Variants in SPTBN4 observed in about 807,000 individuals in gnomAD.
SPTBN4 encodes the protein spectrin beta, non-erythrocytic 4.
In SPTBN4, 96 loss-of-function variants were observed where a neutral mutation model predicts 277.8. The observed-to-expected ratio is 0.35, with a 90% CI of 0.29 to 0.41. SPTBN4 has a LOEUF of 0.41. Ranked by LOEUF, SPTBN4 falls within the 10% of genes least tolerant of loss-of-function variation. SPTBN4 has a pLI of 1.00. For synonymous variants in SPTBN4, 1,481 were observed against 1,580.3 expected, an observed-to-expected ratio of 0.94 and a Z score of 1.49; for missense variants, 3,006 against 3,595.7, an observed-to-expected ratio of 0.84 and a Z score of 4.19.
rs760392089 is a variant in SPTBN4 at position 40,523,483 on chromosome 19, T to C, written c.3701T>C (p.Val1234Ala). The change falls in exon 17 of 36, where the codon GTG (valine) becomes GCG (alanine). Residue 1234 changes from valine to alanine, a missense_variant. Val to Ala is a moderately conservative substitution (Grantham distance 64). Coordinates refer to ENST00000598249, the MANE Select transcript of SPTBN4 (RefSeq NM_020971.3). ...GAELPGTVES[V>A]EEALKQHRDF... ...GAGCTCCCGGGCACAGTGGAATCGG[T>C]GGAGGAGGCCTTGAAACAGCACCGT... 10 of 1,613,150 alleles carry C rather than the reference T, an allele frequency of 6.2e-6. No homozygotes were observed. The African/African-American group carries it at 1.2e-4, about 19-fold the overall frequency.
intron 17 of SPTBN4, among the ~76,000 whole-genome samples, chr19:40,525,217 A>G (rs558278167): frequency 1.3e-5 from 2 of 152,114 alleles, no homozygotes; most frequent in South Asian, 2.1e-4. Flanking sequence ...GCAAGGCAGC[A>G]TGCTTCTAAA....
chr19:40,536,477 G>A (rs748438233), intron 20 of SPTBN4, among the ~76,000 whole-genome samples: 6 of 151,972 alleles, frequency 3.9e-5, no homozygotes, highest in African/African-American at 1.4e-4. Context: ...GCCTCCCAAA[G>A]TACTAGGATT....
rs755409934 is a variant in SPTBN4, at chr19:40,568,198, GGCGGCGCGA to G, written c.6879_6887del (p.Glu2297_Arg2299del). 33 of 1,596,966 alleles carry G rather than the reference GGCGGCGCGA, an allele frequency of 2.1e-5. No homozygotes were observed. The highest frequency in any genetic ancestry group is 2.8e-5 in the Non-Finnish European group (33 of 1,172,298). ...CTGGGCCGCTATGAGCAGATGGAGC[GGCGGCGCGA>G]GCGGCGTGAGCGGCGCTTGGAGCGG... is the stretch of plus-strand genomic sequence containing the variant. On this transcript the variant is annotated inframe_deletion, in exon 31 of 36. Coordinates refer to ENST00000598249, the MANE Select transcript of SPTBN4 (RefSeq NM_020971.3).
rs1209187367 is a variant in SPTBN4, at chr19:40,549,341, G to T, written c.4512G>T (p.Leu1504Phe). The T allele has an allele frequency of 1.3e-6, 2 of 1,536,626 alleles. No homozygotes were observed. Among genetic ancestry groups the T allele is most frequent in the Non-Finnish European group, 1.7e-6 (2 of 1,145,314 alleles). ...GCCTGGTGCGCCTGCTCGAGCCGTT[G>T]CAGGAGCGCCGCCGCTTGCTGCTGG... ...GERLVRLLEP[L>F]QERRRLLLAS... is the part of the protein sequence containing the mutation. Residue 1504 changes from leucine to phenylalanine, a missense_variant, in exon 21 of 36, where the codon TTG becomes TTT. Leu to Phe is a conservative substitution (Grantham distance 22). Coordinates refer to ENST00000598249, the MANE Select transcript of SPTBN4 (RefSeq NM_020971.3).
rs1236576627 is a variant in SPTBN4 at position 40,515,870 on chromosome 19, GCGCACA to G, written c.2903+424_2903+429del. 7.3e-5 allele frequency among the ~76,000 whole-genome samples: 9 copies of G among 124,040 alleles called. 1 individual carries two copies. The highest frequency in any genetic ancestry group is 1.5e-4 in the Non-Finnish European group (9 of 60,886). The allele number at this position is 124,040 out of a possible 152,430, so 81.4% of individuals were successfully genotyped here. A position where few individuals can be genotyped will look rare whatever the true frequency, so the allele number is the denominator to read the frequency against. ...AAACCCCGTCTCTCTCTCTACGTGC[GCGCACA>G]CACACACACACACACACACACACAA... On this transcript the variant is annotated intron_variant, in intron 15 of 35. Coordinates refer to ENST00000598249, the MANE Select transcript of SPTBN4 (RefSeq NM_020971.3). The surrounding 1 kb of genome is among the most constrained non-coding windows in gnomAD (Gnocchi z 4.1).
At chr19:40,568,358 G>T (rs1222846166) in intron 31 of SPTBN4, 76 bp downstream of exon 31, 11 of 1,466,126 alleles carry the variant, frequency 7.5e-6, no homozygotes, top group Non-Finnish European at 9.9e-6. Context: ...CAGGCCCAGT[G>T]AAAGGGCTTC....
chr19:40,468,923 AC>A (rs994321172), intron 1 of SPTBN4, among the ~76,000 whole-genome samples: 1 of 151,868 alleles, frequency 6.6e-6, no homozygotes, highest in Admixed American at 6.6e-5. Flanking sequence ...ACATAGTGAG[AC>A]CCCCTCTCTA....
intron 18 of SPTBN4, among the ~76,000 whole-genome samples, chr19:40,530,251 C>T (rs921809929): frequency 1.5e-4 from 23 of 152,110 alleles, no homozygotes; most frequent in Admixed American, 9.2e-4. Context: ...CGCTCCCTCC[C>T]GGCATTAGAT....
At position 40,502,000 on chromosome 19, in the gene SPTBN4, G is replaced by A; in HGVS notation, c.864G>A (p.Lys288=). 6.2e-7 allele frequency: 1 copy of A among 1,614,220 alleles called. No homozygotes were observed. Among genetic ancestry groups the A allele is most frequent in the South Asian group, 1.1e-5 (1 of 91,084 alleles). ...VSFYHYFSKM[K]ALAVEGKRIG... ...TCTACCACTATTTCTCCAAGATGAA[G>A]GCTCTGGCTGTGGAGGGGAAGCGTA... The change falls in exon 8 of 36, where the codon AAG becomes AAA. Residue 288 remains lysine, a synonymous_variant. Transcript: ENST00000598249.
intron 20 of SPTBN4, among the ~76,000 whole-genome samples, chr19:40,540,314 GT>G (rs2080785498): frequency 6.6e-6 from 1 of 152,020 alleles, no homozygotes; most frequent in Non-Finnish European, 1.5e-5. Flanking sequence ...CTTCCCTTTG[GT>G]TGTTACTTAT....
intron 1 of SPTBN4, among the ~76,000 whole-genome samples, chr19:40,468,088 T>G (rs1473201763): frequency 1.3e-5 from 2 of 151,882 alleles, no homozygotes; most frequent in Admixed American, 1.3e-4. Context: ...TACTTTTTTT[T>G]TTTTTTGAGA....
At position 40,567,739 on chromosome 19, in the gene SPTBN4, C is replaced by G; in HGVS notation, c.6413C>G (p.Thr2138Arg). The G allele has an allele frequency of 3.2e-6, 5 of 1,553,874 alleles. No individual in the cohort carries two copies. The South Asian group carries it at 5.9e-5, about 18-fold the overall frequency. ...LLGRKFFGDP[T>R]ELAAKAAPLL... ...GGGCGCAAGTTCTTTGGGGACCCCA[C>G]GGAACTGGCGGCCAAGGCGGCGCCC... The change falls in exon 31 of 36, where the codon ACG becomes AGG. Residue 2138 changes from threonine (T) to arginine (R), a missense_variant. Coordinates refer to ENST00000598249, the MANE Select transcript of SPTBN4 (RefSeq NM_020971.3).
intron 17 of SPTBN4, among the ~76,000 whole-genome samples, chr19:40,526,454 G>T (rs2080593140): frequency 6.6e-6 from 1 of 152,102 alleles, no homozygotes; most frequent in Non-Finnish European, 1.5e-5. Context: ...TTACAGGCGT[G>T]AGCCACCGCG....
chr19:40,505,694 G>T (rs892716935), intron 12 of SPTBN4, among the ~76,000 whole-genome samples: 1 of 139,426 alleles, frequency 7.2e-6, no homozygotes, highest in African/African-American at 2.7e-5. Context: ...AAAAAAGAAT[G>T]AAAGGGAGGA....
Position 40,513,211 on chromosome 19 carries a change from A to G in SPTBN4, c.2422A>G (p.Ser808Gly). ...AGDFGHDEAS[S>G]RRLARQHRAL... ...TGACTTCGGCCACGACGAAGCTTCC[A>G]GCCGCCGCCTGGCGCGCCAGCACCG... The change falls in exon 14 of 36, where the codon AGC (serine) becomes GGC (glycine). Residue 808 changes from serine to glycine, a missense_variant. Coordinates refer to ENST00000598249, the MANE Select transcript of SPTBN4 (RefSeq NM_020971.3). The G allele has an allele frequency of 1.3e-6, 2 of 1,504,802 alleles. No individual in the cohort carries two copies. Among genetic ancestry groups the G allele is most frequent in the Non-Finnish European group, 1.8e-6 (2 of 1,134,770 alleles). 93.2% of individuals were successfully genotyped at this position (1,504,802 alleles called of 1,614,324 possible). A position where few individuals can be genotyped will look rare whatever the true frequency, so the allele number is the denominator to read the frequency against.
Position 40,570,554 on chromosome 19 carries a change from G to T in SPTBN4, c.7145G>T (p.Arg2382Leu), listed in dbSNP as rs2081144745. The T allele has an allele frequency of 2.2e-6, 3 of 1,355,684 alleles. No homozygotes were observed. The highest frequency in any genetic ancestry group is 1.5e-5 in the African/African-American group (1 of 65,192). The allele number at this position is 1,355,684 out of a possible 1,614,324, so 84.0% of individuals were successfully genotyped here. A position where few individuals can be genotyped will look rare whatever the true frequency, so the allele number is the denominator to read the frequency against. ...PRARDRPKPR[R>L]RPRPREGGEG... ...GCGCGGGACCGGCCCAAGCCGCGAC[G>T]GCGGCCGCGGCCCAGAGAGGGTGGT... Residue 2382 changes from arginine to leucine, a missense_variant, in exon 33 of 36, where the codon CGG becomes CTG. Arg to Leu is a moderately radical substitution (Grantham distance 102). Transcript: ENST00000598249.
At position 40,521,545 on chromosome 19, in the gene SPTBN4, C is replaced by T. The variant is rs201650876; in HGVS notation, c.3654+1394C>T. On this transcript the variant is annotated intron_variant, in intron 16 of 35. Transcript: ENST00000598249. ...GTGTGCAACCTGGATCCCCCACATG[C>T]GCAGTTCACAATAGGGTTTGTGTTC... Among the ~76,000 whole-genome samples the T allele has an allele frequency of 1.6e-4, 25 of 152,160 alleles. No homozygotes were observed. The East Asian group carries it at 3.7e-3, about 22-fold the overall frequency.
At chr19:40,497,736 C>G in intron 7 of SPTBN4, 132 bp downstream of exon 7, 1 of 713,592 alleles carries the variant, frequency 1.4e-6, no homozygotes, top group Non-Finnish European at 2.4e-6. Flanking sequence ...CAACTCTTTC[C>G]AAATCCCAAC....
chr19:40,495,015 A>T, intron 6 of SPTBN4, 38 bp downstream of exon 6: 1 of 1,591,794 alleles, frequency 6.3e-7, no homozygotes, highest in Non-Finnish European at 8.6e-7. Flanking sequence ...CCTGCCCTTC[A>T]GCCCCCCATA....
Sources: allele counts gnomAD v4.1 joint callset (sites outside exome capture counted in the v4.1 genomes callset), GRCh38; gene constraint gnomAD v4.1.1; non-coding constraint Gnocchi (gnomAD v3.1); transcripts MANE v1.5; gene names NCBI Gene and HGNC (gene_info 2026-07-23, HGNC 2026-07-21).